Variants in RASSF8 observed in about 807,000 individuals in gnomAD.
RASSF8 encodes the protein Ras association domain family member 8.
A neutral mutation model predicts 48.5 loss-of-function variants in RASSF8; 22 were observed. The ratio of observed to expected loss-of-function variants is 0.45; its 90% CI spans 0.32 to 0.65. RASSF8 has a LOEUF of 0.65. Among genes scored for constraint, RASSF8 ranks in the 30% least tolerant of loss-of-function variants. RASSF8 has a pLI of 0.03. For synonymous variants in RASSF8, 127 were observed against 171.5 expected (o/e 0.74, Z 2.03); for missense variants, 418 against 489.2 (o/e 0.85, Z 1.37).
At chr12:26,026,569 A>G (rs1049407086) in intron 2 of RASSF8, among the ~76,000 whole-genome samples, 2 of 152,114 alleles carry the variant, frequency 1.3e-5, no homozygotes, top group African/African-American at 4.8e-5. Flanking sequence ...CCAAGTAGCT[A>G]GGATTACAGG....
chr12:25,960,717 A>G (rs1367599941), intron 1 of RASSF8, among the ~76,000 whole-genome samples: 3 of 152,180 alleles, frequency 2.0e-5, no homozygotes, highest in South Asian at 2.1e-4. Flanking sequence ...GATGGACACA[A>G]TTGGCAGTAA....
chr12:25,980,577 C>T (rs879274910), intron 1 of RASSF8, among the ~76,000 whole-genome samples: 4 of 152,048 alleles, frequency 2.6e-5, no homozygotes, highest in Non-Finnish European at 5.9e-5. Flanking sequence ...GTTGGCCAAA[C>T]AAAACACTTA....
chr12:26,011,579 C>G (rs187886231), intron 2 of RASSF8, among the ~76,000 whole-genome samples: 69 of 152,270 alleles, frequency 4.5e-4, no homozygotes, highest in Admixed American at 4.3e-3. Flanking sequence ...AATGTTGAAA[C>G]CTAATCACCG....
At chr12:25,988,994 T>C (rs937554446) in intron 1 of RASSF8, among the ~76,000 whole-genome samples, 2 of 152,354 alleles carry the variant, frequency 1.3e-5, no homozygotes, top group Admixed American at 1.3e-4. Flanking sequence ...AAAGCATCTC[T>C]GAGGGGTATG....
intron 2 of RASSF8, among the ~76,000 whole-genome samples, chr12:26,019,666 T>C (rs915924478): frequency 6.6e-6 from 1 of 152,028 alleles, no homozygotes; most frequent in Non-Finnish European, 1.5e-5. Context: ...TTAAAAGGAT[T>C]CCTGGTTGTA....
intron 2 of RASSF8, among the ~76,000 whole-genome samples, chr12:26,038,432 A>G (rs969462770): frequency 6.6e-6 from 1 of 152,186 alleles, no homozygotes; most frequent in African/African-American, 2.4e-5. Flanking sequence ...CATACTGGAA[A>G]GGCCAAAACT....
At chr12:26,051,906 C>T (rs547155043) in intron 2 of RASSF8, among the ~76,000 whole-genome samples, 9 of 152,296 alleles carry the variant, frequency 5.9e-5, no homozygotes, top group African/African-American at 2.2e-4. Flanking sequence ...ACCTCACAGC[C>T]TTCTTGCCTC....
At chr12:26,010,840 G>A (rs79267781) in intron 2 of RASSF8, among the ~76,000 whole-genome samples, 6,963 of 152,000 alleles carry the variant, frequency 0.046, 192 homozygotes, top group Middle Eastern at 0.096. Context: ...AGATGCAGGC[G>A]AGGGGGACCT....
intron 3 of RASSF8, among the ~76,000 whole-genome samples, chr12:26,061,543 T>C (rs1943742366): frequency 2.0e-5 from 3 of 150,764 alleles, no homozygotes; most frequent in Admixed American, 6.6e-5. Flanking sequence ...CAGCTTAAAC[T>C]ACAAATGCCA....
At chr12:26,062,869 A>G (rs1175927352) in intron 3 of RASSF8, among the ~76,000 whole-genome samples, 1 of 152,142 alleles carries the variant, frequency 6.6e-6, no homozygotes, top group Non-Finnish European at 1.5e-5. Context: ...GAAGCGTTTT[A>G]GAAGGGAAGT....
downstream of RASSF8, chr12:26,072,897 C>A: frequency 6.0e-6 from 5 of 838,828 alleles, no homozygotes; most frequent in Non-Finnish European, 7.2e-6. Flanking sequence ...TTTCTTACAT[C>A]CTTTATATTT....
chr12:26,027,921 G>T (rs552722679), intron 2 of RASSF8, among the ~76,000 whole-genome samples: 1 of 152,284 alleles, frequency 6.6e-6, no homozygotes, highest in African/African-American at 2.4e-5. Context: ...TGGAAAACGG[G>T]ATGTAGAAGT....
Position 26,071,322 on chromosome 12 carries a change from A to G in RASSF8, c.*2504A>G, listed in dbSNP as rs1943995395. ...TTTCGGAGGGGTAGTGGGCAATGGT[A>G]TACAAAAATACCAAATATAAAATTT... On this transcript the variant is annotated 3_prime_UTR_variant, in exon 6 of 6. Transcript: ENST00000689635. 2 of 974,118 alleles carry G rather than the reference A, an allele frequency of 2.1e-6. No individual in the cohort carries two copies. The highest frequency in any genetic ancestry group is 1.2e-6 in the Non-Finnish European group (1 of 819,830). The allele number at this position is 974,118 out of a possible 1,614,324, so 60.3% of individuals were successfully genotyped here. A position where few individuals can be genotyped will look rare whatever the true frequency, so the allele number is the denominator to read the frequency against.
chr12:26,052,264 G>A (rs1257976057), intron 2 of RASSF8, among the ~76,000 whole-genome samples: 4 of 152,152 alleles, frequency 2.6e-5, no homozygotes, highest in African/African-American at 2.4e-5. Context: ...AGAAAGCATT[G>A]ATCTTGAGGT....
intron 2 of RASSF8, among the ~76,000 whole-genome samples, chr12:26,015,602 A>G (rs1942629661): frequency 6.6e-6 from 1 of 152,216 alleles, no homozygotes; most frequent in African/African-American, 2.4e-5. Flanking sequence ...TTTAAAGTTA[A>G]GTAAGATTAT....
chr12:26,067,659 G>GT lies in RASSF8; in HGVS notation c.1088dup (p.Leu363PhefsTer7). The GT allele has an allele frequency of 6.2e-7, 1 of 1,614,162 alleles. No individual in the cohort carries two copies. Among genetic ancestry groups the GT allele is most frequent in the Non-Finnish European group, 8.5e-7 (1 of 1,180,012 alleles). On this transcript the variant is annotated frameshift_variant, in exon 5 of 6. Coordinates refer to ENST00000689635, the MANE Select transcript of RASSF8 (RefSeq NM_001394098.1). LOFTEE classifies it high-confidence loss of function. The stretch of plus-strand genomic sequence containing the variant: ...CCAGCAGACAGGGACAAAAGTTACC[G>GT]TTTTGCCAGCGGAGCCCATTGAAAT...
chr12:26,070,244 G>C lies in RASSF8; in HGVS notation c.*1426G>C. Reference sequence around the variant, plus strand: ...ATATAGTAATGCCATGGTAACAATAGAGCTATGTCTTATGCATGAAGGCAA... The same window carrying C: ...ATATAGTAATGCCATGGTAACAATACAGCTATGTCTTATGCATGAAGGCAA... On this transcript the variant is annotated 3_prime_UTR_variant, in exon 6 of 6. Transcript: ENST00000689635. The C allele has an allele frequency of 1.0e-6, 1 of 980,156 alleles. No homozygotes were observed. Among genetic ancestry groups the C allele is most frequent in the Non-Finnish European group, 1.2e-6 (1 of 825,202 alleles). 60.7% of individuals were successfully genotyped at this position (980,156 alleles called of 1,614,324 possible). A position where few individuals can be genotyped will look rare whatever the true frequency, so the allele number is the denominator to read the frequency against.
chr12:25,982,884 G>A (rs917664331), intron 1 of RASSF8, among the ~76,000 whole-genome samples: 4 of 152,172 alleles, frequency 2.6e-5, no homozygotes, highest in Admixed American at 2.6e-4. Context: ...CATTCATGGA[G>A]GTTTTCAGTT....
intron 1 of RASSF8, among the ~76,000 whole-genome samples, chr12:25,971,943 G>A (rs1042446540): frequency 6.6e-6 from 1 of 152,204 alleles, no homozygotes; most frequent in Non-Finnish European, 1.5e-5. Context: ...TGGGTCTCCT[G>A]GAAAGCAGGA....
Sources: allele counts gnomAD v4.1 joint callset (sites outside exome capture counted in the v4.1 genomes callset), GRCh38; gene constraint gnomAD v4.1.1; transcripts MANE v1.5; gene names NCBI Gene and HGNC (gene_info 2026-07-23, HGNC 2026-07-21).